The following DACH2 variants were observed in gnomAD, a reference collection of about 807,000 sequenced individuals.
DACH2 encodes the protein dachshund homolog 2.
Under a neutral mutation model 35.8 loss-of-function variants are expected in DACH2, and 17 were observed. The ratio of observed to expected loss-of-function variants is 0.48; its 90% CI spans 0.33 to 0.71. The LOEUF (loss-of-function observed/expected upper bound fraction) is 0.71. DACH2 is among the 30% of genes least tolerant of loss of function. The pLI is 0.02. For synonymous variants in DACH2, 195 were observed against 177.3 expected, an observed-to-expected ratio of 1.10 and a Z score of -0.79; for missense variants, 469 against 472.7, an observed-to-expected ratio of 0.99 and a Z score of 0.07.
chrX:86,633,856 G>T (rs1396042294), intron 3 of DACH2, among the ~76,000 whole-genome samples: 1 of 111,739 alleles, frequency 8.9e-6, no homozygotes, highest in Non-Finnish European at 1.9e-5. Context: ...CATATTAACA[G>T]AATTAAAAAC....
chrX:86,553,163 A>C lies in DACH2; in HGVS notation c.640+38772A>C, dbSNP rs373360997. The stretch of plus-strand genomic sequence containing the variant: ...CAAAATCTCAAAAGTAGGGAAGCCG[A>C]CGGTGCAGCCTTCAGTCTGTGGCCA... On this transcript the variant is annotated intron_variant, in intron 3 of 11. Transcript: ENST00000373125. 2.8e-4 allele frequency among the ~76,000 whole-genome samples: 31 copies of C among 111,523 alleles called. No homozygotes were observed. The East Asian group carries it at 2.9e-3, about 10-fold the overall frequency.
chrX:86,809,693 A>C (rs758720787), intron 7 of DACH2, among the ~76,000 whole-genome samples: 1 of 111,467 alleles, frequency 9.0e-6, no homozygotes, highest in South Asian at 3.8e-4. Flanking sequence ...CTTCTTCTTT[A>C]TGGCCCTTTT....
At chrX:86,452,012 G>A (rs1165396746) in intron 2 of DACH2, among the ~76,000 whole-genome samples, 1 of 111,535 alleles carries the variant, frequency 9.0e-6, no homozygotes, top group Non-Finnish European at 1.9e-5. Flanking sequence ...TCATTATATA[G>A]TTTATTTAGA....
chrX:86,814,635 T>A, intron 9 of DACH2, 53 bp from the exon 10 acceptor site: 1 of 1,122,675 alleles, frequency 8.9e-7, no homozygotes, highest in Non-Finnish European at 1.2e-6. Flanking sequence ...TCATCAAAAC[T>A]GGCATCCCTA....
intron 3 of DACH2, among the ~76,000 whole-genome samples, chrX:86,641,246 G>A (rs1483516017): frequency 8.9e-6 from 1 of 112,136 alleles, no homozygotes; most frequent in Admixed American, 9.5e-5. Flanking sequence ...AACAGTCAGT[G>A]TAAAGAAGAA....
intron 1 of DACH2, among the ~76,000 whole-genome samples, chrX:86,257,536 T>A (rs1315312070): frequency 1.8e-5 from 2 of 110,912 alleles, no homozygotes; most frequent in Non-Finnish European, 3.8e-5. Context: ...GCCTCCTGAG[T>A]AGTTAGGGCC....
intron 2 of DACH2, among the ~76,000 whole-genome samples, chrX:86,489,073 T>C (rs2038058982): frequency 8.9e-6 from 1 of 111,789 alleles, no homozygotes; most frequent in African/African-American, 3.2e-5. Context: ...TACTGAGATC[T>C]TATTTTGAAT....
In DACH2 at chrX:86,567,962, A is replaced by G. The variant is rs770156237; in HGVS notation, c.640+53571A>G. On this transcript the variant is annotated intron_variant, in intron 3 of 11. Coordinates refer to ENST00000373125, the MANE Select transcript of DACH2 (RefSeq NM_053281.3). ...TTGTGGTACATCAAGACAATTGAATATTATTCGCTGCTAAAAGAAATGCAA... is the reference window on the plus strand; with the variant it reads ...TTGTGGTACATCAAGACAATTGAATGTTATTCGCTGCTAAAAGAAATGCAA... 3.6e-4 allele frequency among the ~76,000 whole-genome samples: 40 copies of G among 111,674 alleles called. No individual in the cohort carries two copies. In the South Asian group the frequency reaches 3.7e-3, roughly 10 times the overall value.
At chrX:86,161,132 G>A in intron 1 of DACH2, 1 of 1,133,826 alleles carries the variant, frequency 8.8e-7, no homozygotes, top group Middle Eastern at 3.3e-4. Flanking sequence ...TGTAAGTGCT[G>A]ACTTCCTTAA....
At chrX:86,824,319 G>A (rs747738841) in intron 11 of DACH2, among the ~76,000 whole-genome samples, 48 of 111,857 alleles carry the variant, frequency 4.3e-4, no homozygotes, top group African/African-American at 1.3e-3. Context: ...CAGGCTCTCT[G>A]CAAGAAGAAA....
chrX:86,546,339 CTCT>C lies in DACH2; in HGVS notation c.640+31963_640+31965del, dbSNP rs1182517815. On this transcript the variant is annotated intron_variant, in intron 3 of 11. Coordinates refer to ENST00000373125, the MANE Select transcript of DACH2 (RefSeq NM_053281.3). ...TACCTCTTTCTTCTTCTTCTTCTTC[CTCT>C]TCTTCTTCTTCTTCCTCTTCTTCTT... 2.2e-3 allele frequency among the ~76,000 whole-genome samples: 151 copies of C among 67,211 alleles called. 2 individuals carry two copies. Among genetic ancestry groups the C allele is most frequent in the African/African-American group, 8.4e-3 (144 of 17,137 alleles). The allele number at this position is 67,211 out of a possible 115,157, so 58.4% of individuals were successfully genotyped here.
chrX:86,340,280 T>C (rs2035390763), intron 1 of DACH2, among the ~76,000 whole-genome samples: 1 of 111,650 alleles, frequency 9.0e-6, no homozygotes, highest in Non-Finnish European at 1.9e-5. Context: ...ACTTTGGGTT[T>C]CTGTTTGACA....
intron 1 of DACH2, among the ~76,000 whole-genome samples, chrX:86,178,643 G>T (rs1054769711): frequency 9.0e-6 from 1 of 111,088 alleles, no homozygotes; most frequent in Non-Finnish European, 1.9e-5. Context: ...AGGCACAGTT[G>T]TTCTGATATT....
chrX:86,148,499 A>T lies in DACH2; in HGVS notation c.-122A>T. On this transcript the variant is annotated 5_prime_UTR_variant, in exon 1 of 12. Transcript: ENST00000373125. ...AGCCGGCTGCTGAAGACTTGCGAAC[A>T]GTTCGGAGCCAGCGAGAGCGCGCCA... The T allele has an allele frequency of 8.4e-6, 7 of 828,403 alleles. No homozygotes were observed. Among genetic ancestry groups the T allele is most frequent in the South Asian group, 2.8e-5 (1 of 35,658 alleles). 68.3% of individuals were successfully genotyped at this position (828,403 alleles called of 1,213,427 possible). A position where few individuals can be genotyped will look rare whatever the true frequency, so the allele number is the denominator to read the frequency against.
chrX:86,475,842 T>G (rs149840080), intron 2 of DACH2, among the ~76,000 whole-genome samples: 328 of 111,763 alleles, frequency 2.9e-3, no homozygotes, highest in African/African-American at 0.01. Context: ...GCTTTTATTA[T>G]GTTGAGGTAT....
chrX:86,481,896 A>G (rs1377634940), intron 2 of DACH2: 4 of 112,467 alleles, frequency 3.6e-5, no homozygotes, highest in Non-Finnish European at 7.5e-5. Context: ...TAAACATGCA[A>G]TAGCATGAAT....
At chrX:86,544,099 G>C (rs995815664) in intron 3 of DACH2, among the ~76,000 whole-genome samples, 6 of 111,232 alleles carry the variant, frequency 5.4e-5, no homozygotes, top group Admixed American at 3.8e-4. Context: ...CAATAATAAA[G>C]AAAAAAGATT....
At chrX:86,828,765 G>C (rs998745026) in intron 11 of DACH2, 1 of 109,472 alleles carries the variant, frequency 9.1e-6, no homozygotes, top group Non-Finnish European at 1.9e-5. Flanking sequence ...CTGACCATTG[G>C]CTGGGGGCAG....
chrX:86,357,231 G>A (rs2035658199), intron 1 of DACH2, among the ~76,000 whole-genome samples: 1 of 112,193 alleles, frequency 8.9e-6, no homozygotes, highest in Admixed American at 9.5e-5. Flanking sequence ...GATTTCCTCT[G>A]TGCCTTTTAA....
Sources: allele counts gnomAD v4.1 joint callset (sites outside exome capture counted in the v4.1 genomes callset), GRCh38; gene constraint gnomAD v4.1.1; transcripts MANE v1.5; gene names NCBI Gene and HGNC (gene_info 2026-07-23, HGNC 2026-07-21).